Variants in PATJ observed in about 807,000 individuals in gnomAD.
PATJ encodes the protein inaD-like protein.
PATJ carries 190 observed loss-of-function variants against 224.9 expected under a neutral mutation model. The ratio of observed to expected loss-of-function variants is 0.84; its 90% CI spans 0.75 to 0.95. PATJ has a LOEUF of 0.95. Among genes scored for constraint, PATJ ranks in the 40% least tolerant of loss-of-function variants. PATJ has a pLI of 0.00. For synonymous variants in PATJ, 769 were observed against 820.3 expected (o/e 0.94, Z 1.07); for missense variants, 2,121 against 2,270.3 (o/e 0.93, Z 1.34).
At chr1:61,967,228 TAGTC>T (rs1318602778) in intron 27 of PATJ, among the ~76,000 whole-genome samples, 4 of 152,214 alleles carry the variant, frequency 2.6e-5, no homozygotes, top group Admixed American at 1.3e-4. Flanking sequence ...AATCAAGCAT[TAGTC>T]AGTTAACTAA....
intron 43 of PATJ, among the ~76,000 whole-genome samples, chr1:62,153,768 AC>A (rs1668866706): frequency 6.6e-6 from 1 of 152,074 alleles, no homozygotes; most frequent in Admixed American, 6.6e-5. Flanking sequence ...GAGCAGTGCC[AC>A]TCTTTAGAAG....
intron 17 of PATJ, among the ~76,000 whole-genome samples, chr1:61,850,997 A>G (rs1662727823): frequency 6.6e-6 from 1 of 152,328 alleles, no homozygotes; most frequent in East Asian, 1.9e-4. Context: ...ATAGTCATTC[A>G]ACATTTTAAC....
intron 20 of PATJ, among the ~76,000 whole-genome samples, chr1:61,874,293 C>T (rs1292325103): frequency 6.6e-6 from 1 of 151,976 alleles, no homozygotes; most frequent in African/African-American, 2.4e-5. Flanking sequence ...CTTCTGCCTC[C>T]CAGATTCAAG....
At chr1:61,828,008 A>G (rs1479222745) in intron 16 of PATJ, among the ~76,000 whole-genome samples, 1 of 152,154 alleles carries the variant, frequency 6.6e-6, no homozygotes. Context: ...GCACTTTGGG[A>G]GGCCGAGGTG....
At chr1:61,744,643 A>G (rs953844788) in intron 1 of PATJ, among the ~76,000 whole-genome samples, 4 of 152,214 alleles carry the variant, frequency 2.6e-5, no homozygotes, top group African/African-American at 7.2e-5. Flanking sequence ...CTGCTCTCAC[A>G]CCACTACAGT....
At chr1:62,125,254 C>CAAAAAAAAAAAAAAAAAAAAAAAA (rs779305398) in intron 39 of PATJ, among the ~76,000 whole-genome samples, 4 of 71,412 alleles carry the variant, frequency 5.6e-5, no homozygotes, top group South Asian at 4.7e-4. Flanking sequence ...AAAAAAAAAA[C>CAAAAAAAAAAAAAAAAAAAAAAAA]AAAAAAAAAC....
At chr1:62,015,543 G>C (rs1646723935) in intron 28 of PATJ, among the ~76,000 whole-genome samples, 1 of 151,940 alleles carries the variant, frequency 6.6e-6, no homozygotes, top group East Asian at 1.9e-4. Context: ...TTTCGTGTGT[G>C]TGTGTGCGTG....
intron 31 of PATJ, among the ~76,000 whole-genome samples, chr1:62,065,062 T>G (rs1656181699): frequency 6.6e-6 from 1 of 152,204 alleles, no homozygotes; most frequent in African/African-American, 2.4e-5. Context: ...TCTTTATCTC[T>G]TGTATTCCTG....
chr1:62,020,284 A>G (rs1405076059), intron 29 of PATJ, among the ~76,000 whole-genome samples: 4 of 152,248 alleles, frequency 2.6e-5, no homozygotes. Flanking sequence ...TACTATGTAC[A>G]TATGCAATGT....
intron 28 of PATJ, among the ~76,000 whole-genome samples, chr1:61,994,707 A>G (rs1473999802): frequency 2.6e-5 from 4 of 152,122 alleles, no homozygotes; most frequent in African/African-American, 9.7e-5. Context: ...GGTGCATGCC[A>G]CCACGCCTGG....
chr1:61,879,926 C>T (rs1557809866), intron 21 of PATJ, among the ~76,000 whole-genome samples: 1 of 152,036 alleles, frequency 6.6e-6, no homozygotes, highest in Non-Finnish European at 1.5e-5. Context: ...GCAACCTCCA[C>T]CTCCTGAGTT....
intron 4 of PATJ, among the ~76,000 whole-genome samples, chr1:61,767,467 A>G (rs990287798): frequency 6.6e-6 from 1 of 152,046 alleles, no homozygotes. Context: ...TGAGCCCAGA[A>G]ATTCAAAGCT....
chr1:61,919,646 A>T (rs564828419), intron 26 of PATJ, among the ~76,000 whole-genome samples: 10 of 152,164 alleles, frequency 6.6e-5, no homozygotes, highest in African/African-American at 2.2e-4. Context: ...CTAAAATTTT[A>T]AATTGAATTT....
At chr1:61,957,078 G>C (rs986891738) in intron 27 of PATJ, among the ~76,000 whole-genome samples, 2 of 152,208 alleles carry the variant, frequency 1.3e-5, no homozygotes, top group Admixed American at 1.3e-4. Context: ...GAGACTAGGG[G>C]TTTAGCTGTC....
chr1:62,139,546 G>A (rs1667289313), intron 41 of PATJ, among the ~76,000 whole-genome samples: 2 of 152,048 alleles, frequency 1.3e-5, no homozygotes, highest in Non-Finnish European at 2.9e-5. Context: ...TCAGTGGCGG[G>A]GCTGAGCCAG....
intron 42 of PATJ, among the ~76,000 whole-genome samples, chr1:62,152,776 C>T (rs1253259211): frequency 1.3e-5 from 2 of 152,224 alleles, no homozygotes. Context: ...AGACACGCTA[C>T]CTCTGTCTCC....
intron 14 of PATJ, among the ~76,000 whole-genome samples, chr1:61,812,407 TGAGA>T (rs769833245): frequency 2.3e-3 from 185 of 79,688 alleles, no homozygotes; most frequent in African/African-American, 3.2e-3. Flanking sequence ...TGTGAGTGAC[TGAGA>T]GAGAGAGAGA....
chr1:61,761,829 G>A (rs944137751), intron 1 of PATJ, among the ~76,000 whole-genome samples: 1 of 152,034 alleles, frequency 6.6e-6, no homozygotes, highest in Non-Finnish European at 1.5e-5. Flanking sequence ...GGGACTATGG[G>A]TATGTGCCAC....
chr1:61,870,856 G>A (rs75905643), intron 20 of PATJ, among the ~76,000 whole-genome samples: 1 of 152,070 alleles, frequency 6.6e-6, no homozygotes, highest in African/African-American at 2.4e-5. Context: ...AAAGCACAAG[G>A]TTTCAAATTT....
Sources: gnomAD v4.1 joint callset for allele counts (sites outside exome capture counted in the v4.1 genomes callset) on GRCh38, gnomAD v4.1.1 for gene constraint, MANE v1.5 for transcripts, NCBI Gene and HGNC (gene_info 2026-07-23, HGNC 2026-07-21) for gene names.